Variants in WDR26 observed in about 807,000 individuals in gnomAD.
WDR26 encodes WD repeat-containing protein 26.
WDR26 carries 5 observed loss-of-function variants against 84.1 expected under a neutral mutation model. The observed-to-expected ratio is 0.06, with a 90% CI of 0.03 to 0.13. WDR26 has a LOEUF of 0.13. Ranked by LOEUF, WDR26 falls within the 10% of genes least tolerant of loss-of-function variation. The pLI is 1.00. For missense variants in WDR26, 642 were observed against 974.9 expected (o/e 0.66, Z 4.55); for synonymous variants, 415 against 389.6 (o/e 1.07, Z -0.77).
intron 4 of WDR26, among the ~76,000 whole-genome samples, chr1:224,422,989 A>G (rs1674109410): frequency 6.6e-6 from 1 of 152,196 alleles, no homozygotes; most frequent in Non-Finnish European, 1.5e-5. Context: ...GGTTAAATTT[A>G]TTCCTAAATT....
chr1:224,397,038 C>T (rs530935851), intron 12 of WDR26, among the ~76,000 whole-genome samples: 1 of 152,270 alleles, frequency 6.6e-6, no homozygotes, highest in South Asian at 2.1e-4. Flanking sequence ...CTTTATGATC[C>T]TCTTATCTAC....
chr1:224,398,319 T>C (rs1281835345), intron 11 of WDR26, 93 bp from the exon 12 acceptor site: 1 of 1,472,422 alleles, frequency 6.8e-7, no homozygotes, highest in African/African-American at 1.4e-5. Flanking sequence ...TGATGAAATA[T>C]CTTCATTTTC....
chr1:224,393,251 T>C (rs1045710489), intron 13 of WDR26, among the ~76,000 whole-genome samples: 3 of 152,310 alleles, frequency 2.0e-5, no homozygotes, highest in Middle Eastern at 3.4e-3. Context: ...AATACTTCCC[T>C]TATAGGACTA....
At chr1:224,402,972 T>C (rs1421016107) in intron 8 of WDR26, among the ~76,000 whole-genome samples, 1 of 152,202 alleles carries the variant, frequency 6.6e-6, no homozygotes, top group Non-Finnish European at 1.5e-5. Context: ...TTTTAAAAGA[T>C]ACATGCTTAA....
intron 1 of WDR26, 82 bp downstream of exon 1, chr1:224,433,602 C>CCCCCCCCCCCCCCT: frequency 1.0e-5 from 5 of 500,636 alleles, no homozygotes; most frequent in South Asian, 2.4e-5. Flanking sequence ...AGCCCCCCTC[C>CCCCCCCCCCCCCCT]CCCCTCCGCC....
intron 3 of WDR26, among the ~76,000 whole-genome samples, chr1:224,427,514 A>G (rs540582695): frequency 3.3e-4 from 51 of 152,288 alleles, no homozygotes; most frequent in African/African-American, 1.2e-3. Context: ...CTCTGAGAGA[A>G]GCCAATATAA....
chr1:224,392,829 C>A (rs1673164177), intron 13 of WDR26, among the ~76,000 whole-genome samples: 2 of 151,438 alleles, frequency 1.3e-5, no homozygotes, highest in African/African-American at 4.9e-5. Context: ...TTTTTCAAAC[C>A]ATACATGCTA....
intron 3 of WDR26, among the ~76,000 whole-genome samples, chr1:224,426,818 C>T (rs372063067): frequency 8.6e-4 from 131 of 151,680 alleles, no homozygotes; most frequent in African/African-American, 2.8e-3. Flanking sequence ...TTCATTCCAC[C>T]GGGTGTGGTG....
intron 3 of WDR26, 190 bp from the exon 4 acceptor site, chr1:224,424,844 T>A: frequency 1.5e-6 from 1 of 646,506 alleles, no homozygotes; most frequent in East Asian, 2.8e-5. Flanking sequence ...TTTGCTCAAT[T>A]CCACATCTTA....
chr1:224,417,927 C>T (rs1673953333), intron 6 of WDR26, among the ~76,000 whole-genome samples: 1 of 152,088 alleles, frequency 6.6e-6, no homozygotes, highest in African/African-American at 2.4e-5. Flanking sequence ...TACTAAAAAG[C>T]AGAACTTTCA....
rs187766798 is a variant in WDR26, at chr1:224,395,338, T to C, written c.2075-1325A>G. Among the ~76,000 whole-genome samples the C allele has an allele frequency of 2.1e-3, 322 of 152,338 alleles. 1 individual carries two copies. The Middle Eastern group carries it at 0.031, about 14-fold the overall frequency. On this transcript the variant is annotated intron_variant, in intron 12 of 13. Coordinates refer to ENST00000414423, the MANE Select transcript of WDR26 (RefSeq NM_001379403.1). ...TCCCAGGGCAAATTAGAAAGGTGTA[T>C]AACTTAATGATATATCAGTTAAGTA...
intron 3 of WDR26, 196 bp from the exon 4 acceptor site, chr1:224,424,850 T>A: frequency 1.6e-6 from 1 of 633,050 alleles, no homozygotes. Flanking sequence ...CAATTCCACA[T>A]CTTACTAAAA....
chr1:224,406,855 C>G (rs1434161754), intron 7 of WDR26, among the ~76,000 whole-genome samples: 1 of 151,724 alleles, frequency 6.6e-6, no homozygotes, highest in Non-Finnish European at 1.5e-5. Flanking sequence ...GGTGTGGTGG[C>G]TCATGCCTGT....
intron 7 of WDR26, among the ~76,000 whole-genome samples, chr1:224,408,938 G>T (rs1410951441): frequency 2.0e-5 from 3 of 152,104 alleles, no homozygotes; most frequent in Non-Finnish European, 4.4e-5. Flanking sequence ...ATGAGAAAAA[G>T]ACACAACTCT....
chr1:224,389,847 G>A lies in WDR26; in HGVS notation c.2274C>T (p.Ser758=). Residue 758 remains serine, a synonymous_variant, in exon 14 of 14, where the codon AGC becomes AGT. Coordinates refer to ENST00000414423, the MANE Select transcript of WDR26 (RefSeq NM_001379403.1). ...TCCAAATTCACCATCAACTATCCAT[G>A]CTACTGCATTCCTCTGAATGAAGAC... 7.6e-7 allele frequency: 1 copy of A among 1,320,156 alleles called. No individual in the cohort carries two copies. The highest frequency in any genetic ancestry group is 9.9e-7 in the Non-Finnish European group (1 of 1,013,092). 81.8% of individuals were successfully genotyped at this position (1,320,156 alleles called of 1,614,324 possible).
chr1:224,408,715 A>C (rs1240035217), intron 7 of WDR26, among the ~76,000 whole-genome samples: 1 of 144,388 alleles, frequency 6.9e-6, no homozygotes, highest in African/African-American at 2.6e-5. Context: ...CCTGTTGTCC[A>C]CCTGTGTGAT....
chr1:224,389,646 C>T lies in WDR26; in HGVS notation c.*189G>A, dbSNP rs774337389. 1 of 641,718 alleles carries T rather than the reference C, an allele frequency of 1.6e-6. No homozygotes were observed. Among genetic ancestry groups the T allele is most frequent in the Non-Finnish European group, 2.7e-6 (1 of 366,042 alleles). The allele number at this position is 641,718 out of a possible 1,614,324, so 39.8% of individuals were successfully genotyped here. A position where few individuals can be genotyped will look rare whatever the true frequency, so the allele number is the denominator to read the frequency against. On this transcript the variant is annotated 3_prime_UTR_variant, in exon 14 of 14. Transcript: ENST00000414423. ...TGTCCAACAACGTTCTAACGACGTG[C>T]TTCATCTCAACTGGTTACTATGAAG...
At chr1:224,402,317 CAGTTGAA>C (rs1176876032) in intron 8 of WDR26, among the ~76,000 whole-genome samples, 1 of 152,178 alleles carries the variant, frequency 6.6e-6, no homozygotes, top group African/African-American at 2.4e-5. Context: ...CTGATATAAA[CAGTTGAA>C]AGTTTAGAGC....
intron 7 of WDR26, among the ~76,000 whole-genome samples, chr1:224,410,849 C>T (rs1019745340): frequency 3.3e-5 from 5 of 151,826 alleles, no homozygotes; most frequent in African/African-American, 1.2e-4. Context: ...CTGGTGTGTA[C>T]CATCATGCCT....
Sources: allele counts gnomAD v4.1 joint callset (sites outside exome capture counted in the v4.1 genomes callset), GRCh38; gene constraint gnomAD v4.1.1; transcripts MANE v1.5; gene names NCBI Gene and HGNC (gene_info 2026-07-23, HGNC 2026-07-21).